CNOT10: variants seen among roughly 807,000 people sequenced by gnomAD.
The protein encoded by CNOT10 is CCR4-NOT transcription complex subunit 10, also known as CCR4-NOT transcription complex, subunit 10.
In CNOT10, 30 loss-of-function variants were observed where a neutral mutation model predicts 94.6. The ratio of observed to expected loss-of-function variants is 0.32; its 90% CI spans 0.24 to 0.43. The LOEUF (loss-of-function observed/expected upper bound fraction) is 0.43, where lower values mean the gene tolerates loss of function less well. Among genes scored for constraint, CNOT10 ranks in the 20% least tolerant of loss-of-function variants. CNOT10 has a pLI of 1.00. For synonymous variants in CNOT10, 289 were observed against 301.6 expected, an observed-to-expected ratio of 0.96 and a Z score of 0.43; for missense variants, 759 against 877.2, an observed-to-expected ratio of 0.87 and a Z score of 1.70.
intron 4 of CNOT10, among the ~76,000 whole-genome samples, chr3:32,711,174 A>C (rs906134337): frequency 3.3e-5 from 5 of 152,132 alleles, no homozygotes; most frequent in African/African-American, 1.2e-4. Context: ...AAAGCAACAT[A>C]ATAAAAAAAC....
intron 8 of CNOT10, among the ~76,000 whole-genome samples, chr3:32,724,537 C>G (rs956106708): frequency 1.3e-5 from 2 of 151,924 alleles, no homozygotes; most frequent in Admixed American, 6.6e-5. Flanking sequence ...CTCAGCCTCC[C>G]GAGTAGCTGG....
In CNOT10 at chr3:32,696,325, A is replaced by G. The variant is rs1018573831; in HGVS notation, c.23-7543A>G. Among the ~76,000 whole-genome samples the G allele has an allele frequency of 5.7e-5, 8 of 141,344 alleles. No individual in the cohort carries two copies. The East Asian group carries it at 1.2e-3, about 21-fold the overall frequency. 92.7% of individuals were successfully genotyped at this position (141,344 alleles called of 152,430 possible). ...AGTGAGACTCCGTCTCAAAAAAAAAAAAGAAGAAGAAGAAGAAATGGGGTC... is the reference window on the plus strand; with the variant it reads ...AGTGAGACTCCGTCTCAAAAAAAAAGAAGAAGAAGAAGAAGAAATGGGGTC... On this transcript the variant is annotated intron_variant, in intron 1 of 18. Transcript: ENST00000328834.
intron 13 of CNOT10, chr3:32,753,428 C>G: frequency 6.6e-7 from 1 of 1,515,576 alleles, no homozygotes; most frequent in Non-Finnish European, 9.2e-7. Flanking sequence ...AAGGAATTGT[C>G]TGCTTTGGTT....
intron 15 of CNOT10, among the ~76,000 whole-genome samples, chr3:32,763,216 A>C (rs1302232498): frequency 1.3e-5 from 2 of 151,210 alleles, no homozygotes; most frequent in African/African-American, 4.9e-5. Context: ...TCACGCCTGT[A>C]ATCCCAGCAC....
chr3:32,688,360 A>G (rs984672331), intron 1 of CNOT10, among the ~76,000 whole-genome samples: 20 of 151,944 alleles, frequency 1.3e-4, no homozygotes, highest in Non-Finnish European at 2.4e-4. Context: ...GCATTTTGGG[A>G]GGCTGAGGGG....
At chr3:32,738,081 G>C (rs556718700) in intron 13 of CNOT10, among the ~76,000 whole-genome samples, 138 of 152,252 alleles carry the variant, frequency 9.1e-4, no homozygotes, top group Non-Finnish European at 1.6e-3. Context: ...TAAATGAGTT[G>C]AGAAGTGCTT....
At chr3:32,730,011 G>A (rs904383509) in intron 10 of CNOT10, among the ~76,000 whole-genome samples, 48 of 151,562 alleles carry the variant, frequency 3.2e-4, no homozygotes, top group African/African-American at 4.6e-4. Flanking sequence ...CTCGTGATCC[G>A]CCCGCCTCGG....
intron 15 of CNOT10, among the ~76,000 whole-genome samples, chr3:32,763,388 C>T (rs761488342): frequency 2.6e-5 from 4 of 152,168 alleles, no homozygotes; most frequent in African/African-American, 2.4e-5. Flanking sequence ...CGGTGGCTCA[C>T]ACCTGTAATC....
In CNOT10 at chr3:32,753,576, A is replaced by G. The variant is rs1196185954; in HGVS notation, c.1596-5882A>G. On this transcript the variant is annotated intron_variant, in intron 13 of 18. Transcript: ENST00000328834. The stretch of plus-strand genomic sequence containing the variant: ...CAGAGGCTGTGAGATGGGAAAAGCT[A>G]GAGGAGCAAGGAGATGTGCCTACAC... 5.7e-6 allele frequency: 9 copies of G among 1,586,926 alleles called. No homozygotes were observed. The East Asian group carries it at 2.0e-4, about 36-fold the overall frequency.
chr3:32,724,561 C>T (rs910109514), intron 8 of CNOT10, among the ~76,000 whole-genome samples: 4 of 152,014 alleles, frequency 2.6e-5, no homozygotes, highest in Admixed American at 6.6e-5. Context: ...TACACGCGCC[C>T]GCCACCACGC....
At chr3:32,716,100 TCC>T in intron 5 of CNOT10, 123 bp from the exon 6 acceptor site, 1 of 511,740 alleles carries the variant, frequency 2.0e-6, no homozygotes, top group South Asian at 3.9e-5. Flanking sequence ...AACCACCATT[TCC>T]CACAAATTCT....
rs1699105827 is a variant in CNOT10 at position 32,734,812 on chromosome 3, T to C, written c.1350T>C (p.Ser450=). ...IQNTVYNDGQ[S]SAIPVASMEF... is the part of the protein sequence containing the mutation. ...TTGTTCTTTTAAGTGATGGGCAGTC[T>C]TCGGCCATTCCTGTAGCCAGTATGG... Residue 450 remains serine (S), a synonymous_variant, in exon 12 of 19, where the codon TCT becomes TCC. Coordinates refer to ENST00000328834, the MANE Select transcript of CNOT10 (RefSeq NM_015442.3). The C allele has an allele frequency of 1.2e-6, 2 of 1,609,132 alleles. No individual in the cohort carries two copies. Among genetic ancestry groups the C allele is most frequent in the Non-Finnish European group, 8.5e-7 (1 of 1,176,946 alleles).
intron 9 of CNOT10, among the ~76,000 whole-genome samples, chr3:32,726,283 T>G (rs1268273649): frequency 1.3e-5 from 2 of 152,202 alleles, no homozygotes; most frequent in African/African-American, 4.8e-5. Context: ...GTGATACTAC[T>G]GGCAGCATCT....
chr3:32,751,099 A>G (rs544263359), intron 13 of CNOT10, among the ~76,000 whole-genome samples: 1 of 151,350 alleles, frequency 6.6e-6, no homozygotes, highest in African/African-American at 2.4e-5. Context: ...CAAAATTTCA[A>G]TGAAAAAAAA....
At chr3:32,700,184 C>T (rs923460486) in intron 1 of CNOT10, among the ~76,000 whole-genome samples, 2 of 152,054 alleles carry the variant, frequency 1.3e-5, no homozygotes, top group Non-Finnish European at 1.5e-5. Flanking sequence ...CCATGTTGTC[C>T]AGGCTGGTCT....
intron 13 of CNOT10, among the ~76,000 whole-genome samples, chr3:32,759,198 G>C (rs956399930): frequency 6.6e-6 from 1 of 151,758 alleles, no homozygotes; most frequent in African/African-American, 2.4e-5. Context: ...TACAGGCTAT[G>C]TATTGTAATC....
intron 1 of CNOT10, among the ~76,000 whole-genome samples, chr3:32,691,160 T>A (rs1478808000): frequency 2.7e-5 from 1 of 36,908 alleles, no homozygotes; most frequent in African/African-American, 1.4e-4. Context: ...CACAGCCAGC[T>A]TTTTTTTTTT....
intron 13 of CNOT10, among the ~76,000 whole-genome samples, chr3:32,741,287 A>T (rs1053392769): frequency 3.9e-4 from 59 of 152,260 alleles, no homozygotes; most frequent in Middle Eastern, 6.8e-3. Context: ...ATTCCATGGT[A>T]TGATTGTACC....
At chr3:32,741,258 CT>C (rs1699448141) in intron 13 of CNOT10, among the ~76,000 whole-genome samples, 1 of 151,848 alleles carries the variant, frequency 6.6e-6, no homozygotes, top group African/African-American at 2.4e-5. Flanking sequence ...ATTGTTGTTC[CT>C]TTTTATTGGT....
Sources: gnomAD v4.1 joint callset for allele counts (sites outside exome capture counted in the v4.1 genomes callset) on GRCh38, gnomAD v4.1.1 for gene constraint, MANE v1.5 for transcripts, NCBI Gene and HGNC (gene_info 2026-07-23, HGNC 2026-07-21) for gene names.